The following NDUFA10 variants were observed in gnomAD, a reference collection of about 807,000 sequenced individuals.
NDUFA10 encodes NADH dehydrogenase [ubiquinone] 1 alpha subcomplex subunit 10, mitochondrial.
Under a neutral mutation model 47.8 loss-of-function variants are expected in NDUFA10, and 40 were observed. The ratio of observed to expected loss-of-function variants is 0.84; its 90% CI spans 0.65 to 1.09. The LOEUF (loss-of-function observed/expected upper bound fraction) is 1.09. Among genes scored for constraint, NDUFA10 ranks in the 50% least tolerant of loss-of-function variants. The pLI, the probability that NDUFA10 is intolerant of heterozygous loss-of-function variation, is 0.00. For synonymous variants in NDUFA10, 183 were observed against 172.2 expected, an observed-to-expected ratio of 1.06 and a Z score of -0.49; for missense variants, 413 against 451.1, an observed-to-expected ratio of 0.92 and a Z score of 0.76.
chr2:239,970,529 T>C (rs973265212), intron 9 of NDUFA10, among the ~76,000 whole-genome samples: 13 of 152,260 alleles, frequency 8.5e-5, no homozygotes, highest in Non-Finnish European at 1.5e-5. Flanking sequence ...TTTCAATCTC[T>C]TTAAAAGATA....
intron 4 of NDUFA10, among the ~76,000 whole-genome samples, chr2:239,937,675 C>T (rs1694286789): frequency 6.6e-6 from 1 of 152,206 alleles, no homozygotes; most frequent in South Asian, 2.1e-4. Context: ...TCTGTGAGGA[C>T]ATGTGCGTTC....
intron 4 of NDUFA10, among the ~76,000 whole-genome samples, chr2:239,915,512 GAC>G (rs1280462474): frequency 3.2e-5 from 4 of 126,908 alleles, no homozygotes; most frequent in Non-Finnish European, 6.5e-5. Context: ...CAAATATACA[GAC>G]ACACACAGAC....
chr2:239,937,644 CTG>C (rs1446641628), intron 4 of NDUFA10, among the ~76,000 whole-genome samples: 2 of 152,188 alleles, frequency 1.3e-5, no homozygotes, highest in Non-Finnish European at 2.9e-5. Context: ...ATAATGTGCT[CTG>C]AACATGCATG....
chr2:239,969,399 G>A (rs1695219058), intron 9 of NDUFA10: 3 of 247,610 alleles, frequency 1.2e-5, no homozygotes, highest in African/African-American at 2.2e-5. Flanking sequence ...CTACTGCAGG[G>A]AGGAAAGTGT....
rs560902734 is a variant in NDUFA10, at chr2:240,008,959, G to A, written c.750-1589C>T. On this transcript the variant is annotated intron_variant, in intron 6 of 9. Coordinates refer to ENST00000252711, the MANE Select transcript of NDUFA10 (RefSeq NM_004544.4). Reference sequence around the variant, plus strand: ...CATTCCCACTGCCTTGTGAAAGGAGGCCTAAAATAAGAAGGTATCAAGTGT... The same window carrying A: ...CATTCCCACTGCCTTGTGAAAGGAGACCTAAAATAAGAAGGTATCAAGTGT... 4.3e-4 allele frequency among the ~76,000 whole-genome samples: 66 copies of A among 152,328 alleles called. 2 individuals are homozygous for A. In the South Asian group the frequency reaches 0.012, roughly 29 times the overall value.
intron 8 of NDUFA10, among the ~76,000 whole-genome samples, chr2:239,994,461 C>T (rs1227079097): frequency 6.6e-6 from 1 of 151,912 alleles, no homozygotes; most frequent in Non-Finnish European, 1.5e-5. Context: ...CCCATCACCC[C>T]CAGATGGGAC....
chr2:239,971,764 C>T (rs780998081), intron 9 of NDUFA10, among the ~76,000 whole-genome samples: 10 of 152,164 alleles, frequency 6.6e-5, no homozygotes, highest in Non-Finnish European at 1.3e-4. Flanking sequence ...TGTAAATATT[C>T]GTTGAATTAA....
intron 4 of NDUFA10, among the ~76,000 whole-genome samples, chr2:239,921,532 G>A (rs1228608955): frequency 1.3e-5 from 2 of 152,144 alleles, no homozygotes; most frequent in East Asian, 1.9e-4. Context: ...CCATTTTACA[G>A]AGCAATGATT....
chr2:239,996,276 A>T (rs891889757), intron 8 of NDUFA10, among the ~76,000 whole-genome samples: 3 of 152,208 alleles, frequency 2.0e-5, no homozygotes, highest in African/African-American at 7.2e-5. Flanking sequence ...ACTAATCAAG[A>T]TAGGAAACAC....
chr2:239,949,194 C>T (rs575559999), intron 4 of NDUFA10, among the ~76,000 whole-genome samples: 2 of 152,206 alleles, frequency 1.3e-5, no homozygotes, highest in Non-Finnish European at 2.9e-5. Flanking sequence ...AACACTGATA[C>T]GGATAGGAGC....
Position 240,005,206 on chromosome 2 carries a change from T to C in NDUFA10, c.890+4A>G. On this transcript the variant is annotated splice_donor_region_variant and intron_variant, in intron 8 of 9. Coordinates refer to ENST00000252711, the MANE Select transcript of NDUFA10 (RefSeq NM_004544.4). ...TGCAGCAGCCCCCACACAGATGCAC[T>C]TACAGTAATCGCAGGTGGTATAAAG... 1 of 1,612,800 alleles carries C rather than the reference T, an allele frequency of 6.2e-7. No individual in the cohort carries two copies. Among genetic ancestry groups the C allele is most frequent in the Non-Finnish European group, 8.5e-7 (1 of 1,178,838 alleles).
At chr2:239,913,757 G>A (rs1030490592) in intron 4 of NDUFA10, among the ~76,000 whole-genome samples, 5 of 152,222 alleles carry the variant, frequency 3.3e-5, no homozygotes, top group South Asian at 2.1e-4. Flanking sequence ...GAGCTCAACC[G>A]GATGCAGTTT....
chr2:239,969,216 C>G (rs1270577537), intron 9 of NDUFA10, among the ~76,000 whole-genome samples: 1 of 152,148 alleles, frequency 6.6e-6, no homozygotes, highest in Admixed American at 6.5e-5. Context: ...GACATTACAA[C>G]AGCTGTTATA....
chr2:239,966,283 G>A (rs545675041), intron 9 of NDUFA10, among the ~76,000 whole-genome samples: 3 of 152,342 alleles, frequency 2.0e-5, no homozygotes, highest in African/African-American at 7.2e-5. Flanking sequence ...GGGCTGGGCT[G>A]GAAATGACAA....
At chr2:239,961,210 G>T in intron 9 of NDUFA10, 24 bp from the exon 10 acceptor site, 1 of 1,614,092 alleles carries the variant, frequency 6.2e-7, no homozygotes, top group Non-Finnish European at 8.5e-7. Flanking sequence ...AGGCATTGGT[G>T]CATTCTGTTT....
Position 239,960,603 on chromosome 2 carries a change from T to C in NDUFA10, c.*515A>G. 1 of 1,023,860 alleles carries C rather than the reference T, an allele frequency of 9.8e-7. No homozygotes were observed. The highest frequency in any genetic ancestry group is 1.2e-6 in the Non-Finnish European group (1 of 850,734). The allele number at this position is 1,023,860 out of a possible 1,614,324, so 63.4% of individuals were successfully genotyped here. A position where few individuals can be genotyped will look rare whatever the true frequency, so the allele number is the denominator to read the frequency against. On this transcript the variant is annotated 3_prime_UTR_variant, in exon 10 of 10. Transcript: ENST00000252711. ...TAGCACATTACTAAAATAAATACAGTAGGCCTTTAGAAAAACTCTTCAGCA... is the reference window on the plus strand; with the variant it reads ...TAGCACATTACTAAAATAAATACAGCAGGCCTTTAGAAAAACTCTTCAGCA...
chr2:239,942,330 G>T (rs1694372899), intron 4 of NDUFA10, among the ~76,000 whole-genome samples: 1 of 152,240 alleles, frequency 6.6e-6, no homozygotes. Context: ...GCAGGCCTGG[G>T]TGCAGCCTAG....
intron 7 of NDUFA10, among the ~76,000 whole-genome samples, chr2:240,007,074 G>A (rs2106474278): frequency 6.6e-6 from 1 of 152,266 alleles, no homozygotes; most frequent in Admixed American, 6.5e-5. Flanking sequence ...TGGTAGAGTG[G>A]ATGACCCAAG....
chr2:239,936,621 C>T (rs544993950), intron 4 of NDUFA10, among the ~76,000 whole-genome samples: 21 of 152,318 alleles, frequency 1.4e-4, no homozygotes, highest in Middle Eastern at 3.4e-3. Flanking sequence ...CCCTGCCTTA[C>T]GCTCAGATTT....
Sources: allele counts gnomAD v4.1 joint callset (sites outside exome capture counted in the v4.1 genomes callset), GRCh38; gene constraint gnomAD v4.1.1; transcripts MANE v1.5; gene names NCBI Gene and HGNC (gene_info 2026-07-23, HGNC 2026-07-21).